Variants in SLC16A10 observed in about 807,000 individuals in gnomAD.
SLC16A10 encodes monocarboxylate transporter 10.
SLC16A10 carries 27 observed loss-of-function variants against 40.0 expected under a neutral mutation model. That is an observed-to-expected ratio of 0.67 (90% CI 0.50 to 0.93). SLC16A10 has a LOEUF of 0.93. SLC16A10 is among the 40% of genes least tolerant of loss of function. SLC16A10 has a pLI of 0.00. For missense variants in SLC16A10, 529 were observed against 658.2 expected (o/e 0.80, Z 2.15); for synonymous variants, 213 against 249.8 (o/e 0.85, Z 1.39).
At chr6:111,153,112 G>A (rs540053623) in intron 1 of SLC16A10, among the ~76,000 whole-genome samples, 4 of 152,300 alleles carry the variant, frequency 2.6e-5, no homozygotes, top group African/African-American at 9.6e-5. Flanking sequence ...AAAGAGCTGG[G>A]TTCTGAAGTA....
At chr6:111,095,708 TAA>T (rs1771062305) in intron 1 of SLC16A10, among the ~76,000 whole-genome samples, 1 of 152,198 alleles carries the variant, frequency 6.6e-6, no homozygotes, top group African/African-American at 2.4e-5. Flanking sequence ...TGATAGTTAA[TAA>T]GTCTCATGAG....
rs543566952 is a variant in SLC16A10 at position 111,141,257 on chromosome 6, A to G, written c.344-31438A>G. On this transcript the variant is annotated intron_variant, in intron 1 of 5. Transcript: ENST00000368851. ...ATTTTAGCAAAATCAGTGTGTTAGC[A>G]TAATCAAGATATTTTGGTATTCTAG... Among the ~76,000 whole-genome samples, 10 of 152,378 alleles carry G rather than the reference A, an allele frequency of 6.6e-5. No individual in the cohort carries two copies. The South Asian group carries it at 1.7e-3, about 25-fold the overall frequency.
chr6:111,145,325 T>C (rs1256405728), intron 1 of SLC16A10, among the ~76,000 whole-genome samples: 1 of 152,086 alleles, frequency 6.6e-6, no homozygotes, highest in African/African-American at 2.4e-5. Context: ...CACTTGAGCC[T>C]AGCACGTTGA....
intron 1 of SLC16A10, among the ~76,000 whole-genome samples, chr6:111,097,875 G>T (rs200601462): frequency 6.6e-6 from 1 of 152,118 alleles, no homozygotes; most frequent in East Asian, 1.9e-4. Flanking sequence ...AAAGGTCAAT[G>T]ATTAAATTAA....
chr6:111,111,118 A>G (rs1043056403), intron 1 of SLC16A10, among the ~76,000 whole-genome samples: 3 of 152,190 alleles, frequency 2.0e-5, no homozygotes, highest in Non-Finnish European at 4.4e-5. Context: ...AAAATTGCAA[A>G]TAAAAACCTG....
Position 111,177,565 on chromosome 6 carries a change from A to G in SLC16A10, c.842A>G (p.Lys281Arg). ...FSRKKFSPPKKIFNFAIFKVT... is the reference protein window; with the variant it reads ...FSRKKFSPPKRIFNFAIFKVT... The stretch of plus-strand genomic sequence containing the variant: ...AGGAAAAAGTTCAGTCCTCCAAAAA[A>G]AATTTTCAATTTTGCCATCTTCAAG... The change falls in exon 3 of 6, where the codon AAA becomes AGA. Residue 281 changes from lysine (K) to arginine (R), a missense_variant. Lys to Arg is a conservative substitution (Grantham distance 26). Coordinates refer to ENST00000368851, the MANE Select transcript of SLC16A10 (RefSeq NM_018593.5). The G allele has an allele frequency of 6.2e-7, 1 of 1,612,660 alleles. No individual in the cohort carries two copies. The highest frequency in any genetic ancestry group is 8.5e-7 in the Non-Finnish European group (1 of 1,179,482).
At chr6:111,167,818 G>A (rs559336042) in intron 1 of SLC16A10, among the ~76,000 whole-genome samples, 128 of 151,956 alleles carry the variant, frequency 8.4e-4, no homozygotes, top group African/African-American at 3.0e-3. Context: ...ACTGTTGTGT[G>A]CTACCATGCC....
intron 4 of SLC16A10, among the ~76,000 whole-genome samples, chr6:111,214,471 C>G (rs540151074): frequency 6.6e-6 from 1 of 152,128 alleles, no homozygotes; most frequent in African/African-American, 2.4e-5. Flanking sequence ...TATAGTTTGC[C>G]GAGCGTCGGC....
chr6:111,191,787 T>A (rs188642966), intron 3 of SLC16A10, among the ~76,000 whole-genome samples: 10 of 152,202 alleles, frequency 6.6e-5, no homozygotes, highest in African/African-American at 1.7e-4. Context: ...TCTTTTTTTT[T>A]ATATATATTT....
chr6:111,142,516 T>G (rs1022842277), intron 1 of SLC16A10, among the ~76,000 whole-genome samples: 2 of 152,150 alleles, frequency 1.3e-5, no homozygotes, highest in Admixed American at 6.5e-5. Flanking sequence ...TAGGAACTCT[T>G]AAAACTGAAC....
At chr6:111,146,532 C>T (rs962407432) in intron 1 of SLC16A10, among the ~76,000 whole-genome samples, 3 of 152,058 alleles carry the variant, frequency 2.0e-5, no homozygotes, top group African/African-American at 4.8e-5. Context: ...GTCAGGAGAT[C>T]GAGACCATCC....
Position 111,087,936 on chromosome 6 carries a change from C to T in SLC16A10, c.184C>T (p.Pro62Ser), listed in dbSNP as rs1022004702. The change falls in exon 1 of 6, where the codon CCC becomes TCC. Residue 62 changes from proline to serine, a missense_variant. By Grantham distance (74) the Pro-to-Ser change is moderately conservative (BLOSUM62 -1). Transcript: ENST00000368851. The part of the protein sequence containing the change: ...GPATAEPHEP[P>S]EPPEGGWGWL... ...GGCGACCGCGGAGCCCCATGAGCCC[C>T]CCGAACCCCCCGAGGGCGGCTGGGG... 5.6e-6 allele frequency: 9 copies of T among 1,606,480 alleles called. No individual in the cohort carries two copies. The highest frequency in any genetic ancestry group is 1.3e-5 in the African/African-American group (1 of 74,538).
At chr6:111,098,382 A>AC (rs992039600) in intron 1 of SLC16A10, among the ~76,000 whole-genome samples, 3 of 152,122 alleles carry the variant, frequency 2.0e-5, no homozygotes, top group African/African-American at 7.2e-5. Context: ...ACATAGTGAG[A>AC]CCCCATCTCT....
At chr6:111,167,689 G>C (rs1772503456) in intron 1 of SLC16A10, among the ~76,000 whole-genome samples, 1 of 151,800 alleles carries the variant, frequency 6.6e-6, no homozygotes, top group African/African-American at 2.4e-5. Context: ...AAGAGAGAGA[G>C]ACGAGGTCTT....
At chr6:111,131,416 G>A (rs541705739) in intron 1 of SLC16A10, among the ~76,000 whole-genome samples, 2 of 152,270 alleles carry the variant, frequency 1.3e-5, no homozygotes, top group East Asian at 1.9e-4. Flanking sequence ...GAGGCTTGCC[G>A]CCATCTTGGA....
At chr6:111,146,207 G>A (rs1009283814) in intron 1 of SLC16A10, among the ~76,000 whole-genome samples, 3 of 152,196 alleles carry the variant, frequency 2.0e-5, no homozygotes, top group Non-Finnish European at 4.4e-5. Context: ...ATATGAAAAT[G>A]TACTCAACCT....
In SLC16A10 at chr6:111,230,178, G is replaced by T. The variant is rs11970391; in HGVS notation, c.*7943G>T. On this transcript the variant is annotated 3_prime_UTR_variant, in exon 6 of 6. Transcript: ENST00000368851. ...AATTTTTGTATTTTTGGTAGAGATGGAGTTTCACCATGTTGGCCAGACTGG... is the reference window on the plus strand; with the variant it reads ...AATTTTTGTATTTTTGGTAGAGATGTAGTTTCACCATGTTGGCCAGACTGG... 6,568 of 151,768 alleles carry T rather than the reference G, an allele frequency of 0.043. 272 individuals are homozygous for T. The highest frequency in any genetic ancestry group is 0.11 in the African/African-American group (4,591 of 41,296). 9.4% of individuals were successfully genotyped at this position (151,768 alleles called of 1,614,324 possible).
At chr6:111,140,033 G>A (rs774930340) in intron 1 of SLC16A10, among the ~76,000 whole-genome samples, 2 of 151,968 alleles carry the variant, frequency 1.3e-5, no homozygotes, top group Non-Finnish European at 2.9e-5. Context: ...AGGGAGAGGA[G>A]CAAAAAAGAT....
chr6:111,094,742 ATCC>A (rs1374594886), intron 1 of SLC16A10, among the ~76,000 whole-genome samples: 1 of 152,086 alleles, frequency 6.6e-6, no homozygotes, highest in Admixed American at 6.6e-5. Context: ...AGCTCAAGCA[ATCC>A]TCCTATCTCA....
Sources: allele counts gnomAD v4.1 joint callset (sites outside exome capture counted in the v4.1 genomes callset), GRCh38; gene constraint gnomAD v4.1.1; transcripts MANE v1.5; gene names NCBI Gene and HGNC (gene_info 2026-07-23, HGNC 2026-07-21).